The following NOTCH3 variants were observed in gnomAD, a reference collection of about 807,000 sequenced individuals.
The protein encoded by NOTCH3 is neurogenic locus notch homolog protein 3.
In NOTCH3, 86 loss-of-function variants were observed where a neutral mutation model predicts 213.3. That is an observed-to-expected ratio of 0.40 (90% CI 0.34 to 0.48). The LOEUF (loss-of-function observed/expected upper bound fraction) is 0.48. Ranked by LOEUF, NOTCH3 falls within the 20% of genes least tolerant of loss-of-function variation. The pLI is 0.57. For synonymous variants in NOTCH3, 1,354 were observed against 1,355.9 expected (o/e 1.00, Z 0.03); for missense variants, 2,783 against 3,272.6 (o/e 0.85, Z 3.65).
At position 15,165,312 on chromosome 19, in the gene NOTCH3, C is replaced by A. The variant is rs147117896; in HGVS notation, c.5815+56G>T. ...GGGTATGAATTTGCACCAACATGAC[C>A]CTCAGGGCCCAGGTGACACCAACCC... On this transcript the variant is annotated intron_variant, in intron 31 of 32. Transcript: ENST00000263388. This position sits in a 1 kb window ranked among gnomAD's most constrained non-coding sequence, Gnocchi z 4.7. 232 of 1,572,668 alleles carry A rather than the reference C, an allele frequency of 1.5e-4. No individual in the cohort carries two copies. The African/African-American group carries it at 2.3e-3, about 15-fold the overall frequency.
At chr19:15,164,640 A>G (rs906177883) in intron 31 of NOTCH3, among the ~76,000 whole-genome samples, 4 of 152,116 alleles carry the variant, frequency 2.6e-5, no homozygotes, top group African/African-American at 9.7e-5. Flanking sequence ...TCAAGTCACT[A>G]TATGTGGCCA....
At chr19:15,188,096 T>C in intron 9 of NOTCH3, 102 bp from the exon 10 acceptor site, 1 of 1,098,344 alleles carries the variant, frequency 9.1e-7, no homozygotes, top group South Asian at 1.3e-5. Flanking sequence ...TTTACTTGGA[T>C]TTAAATTAAC....
intron 10 of NOTCH3, 145 bp from the exon 11 acceptor site, chr19:15,187,483 A>G (rs900305333): frequency 6.8e-5 from 22 of 325,754 alleles, no homozygotes; most frequent in Non-Finnish European, 1.1e-4. Context: ...CCCACCCCCC[A>G]CCCCCCACTT....
chr19:15,169,130 G>A (rs2046708644), intron 28 of NOTCH3, among the ~76,000 whole-genome samples: 1 of 151,606 alleles, frequency 6.6e-6, no homozygotes, highest in Non-Finnish European at 1.5e-5. Flanking sequence ...ATAAATGTGG[G>A]ACCCTAATCC....
intron 6 of NOTCH3, 46 bp from the exon 7 acceptor site, chr19:15,189,474 C>A (rs1285531521): frequency 6.2e-7 from 1 of 1,600,214 alleles, no homozygotes; most frequent in South Asian, 1.1e-5. Context: ...TCCTGCTCTG[C>A]CCAAAAGGCC....
rs1295016885 is a variant in NOTCH3, at chr19:15,174,364, G to A, written c.4440C>T (p.Ala1480=). 8 of 1,545,110 alleles carry A rather than the reference G, an allele frequency of 5.2e-6. No homozygotes were observed. The highest frequency in any genetic ancestry group is 2.7e-5 in the African/African-American group (2 of 72,906). The change falls in exon 25 of 33, where the codon GCC becomes GCT. Residue 1480 remains alanine, a synonymous_variant. Transcript: ENST00000263388. ...TGCAGCCCTGGTCGCAGCGGCCGTC[G>A]GCAAAGTGGTCGGCGCAGTACTTCT... is the stretch of plus-strand genomic sequence containing the variant. ...VYEKYCADHF[A]DGRCDQGCNT...
intron 15 of NOTCH3, 91 bp downstream of exon 15, chr19:15,184,815 T>A (rs758461270): frequency 1.3e-6 from 1 of 763,346 alleles, no homozygotes; most frequent in East Asian, 2.7e-5. Flanking sequence ...GGGCTGGGGA[T>A]GGGTCCCTCT....
rs1377827012 is a variant in NOTCH3 at position 15,200,613 on chromosome 19, C to T, written c.118+175G>A. Reference sequence around the variant, plus strand: ...TCCCTGTTCCTTGGGCCTCTGGGGTCCTCCCCATTCTGAATCTCTGGGTCC... The same window carrying T: ...TCCCTGTTCCTTGGGCCTCTGGGGTTCTCCCCATTCTGAATCTCTGGGTCC... On this transcript the variant is annotated intron_variant, in intron 1 of 32. Transcript: ENST00000263388. Among the ~76,000 whole-genome samples the T allele has an allele frequency of 5.9e-5, 9 of 152,096 alleles. No individual in the cohort carries two copies. The East Asian group carries it at 1.8e-3, about 30-fold the overall frequency.
At chr19:15,199,459 G>A (rs1301205736) in intron 1 of NOTCH3, among the ~76,000 whole-genome samples, 1 of 152,158 alleles carries the variant, frequency 6.6e-6, no homozygotes, top group East Asian at 1.9e-4. Flanking sequence ...TGAGCTGGGT[G>A]TAAGCATGTC....
chr19:15,185,627 C>T lies in NOTCH3; in HGVS notation c.2004G>A (p.Glu668=), dbSNP rs367768759. 2.5e-6 allele frequency: 4 copies of T among 1,613,526 alleles called. No homozygotes were observed. The highest frequency in any genetic ancestry group is 1.3e-5 in the African/African-American group (1 of 74,904). ...TTTCCCCATCCACACAGGAACCTCC[C>T]TCGCCGCATGGGCTGGAAGCACACT... is the stretch of plus-strand genomic sequence containing the variant. ...INECASSPCG[E]GGSCVDGENG... The change falls in exon 13 of 33, where the codon GAG becomes GAA. Residue 668 remains glutamate (E), a synonymous_variant. Transcript: ENST00000263388. The surrounding 1 kb of genome is among the most constrained non-coding windows in gnomAD (Gnocchi z 4.2).
chr19:15,175,742 G>T (rs2046784925), intron 24 of NOTCH3, among the ~76,000 whole-genome samples: 1 of 151,000 alleles, frequency 6.6e-6, no homozygotes, highest in Admixed American at 6.7e-5. Flanking sequence ...ACTTGAAGGA[G>T]GTGAGGGAGG....
intron 1 of NOTCH3, among the ~76,000 whole-genome samples, chr19:15,199,287 C>A (rs534328974): frequency 6.6e-6 from 1 of 152,152 alleles, no homozygotes; most frequent in Non-Finnish European, 1.5e-5. Context: ...CACACCCATA[C>A]GGGAATGCAC....
At chr19:15,199,434 G>A (rs1248501433) in intron 1 of NOTCH3, among the ~76,000 whole-genome samples, 2 of 152,190 alleles carry the variant, frequency 1.3e-5, no homozygotes, top group Non-Finnish European at 2.9e-5. Context: ...GGCTGTGTCT[G>A]TCCATCTGCA....
intron 10 of NOTCH3, among the ~76,000 whole-genome samples, chr19:15,187,652 TG>T (rs756836480): frequency 3.3e-5 from 5 of 152,046 alleles, no homozygotes; most frequent in Non-Finnish European, 7.4e-5. Flanking sequence ...GGGAAGGTAT[TG>T]GGCCCTCCCC....
At chr19:15,180,937 C>A (rs779496396) in intron 18 of NOTCH3, 24 bp downstream of exon 18, 1 of 1,584,264 alleles carries the variant, frequency 6.3e-7, no homozygotes, top group East Asian at 2.3e-5. Flanking sequence ...GCTCCTCCCC[C>A]AGGTCCCCAG....
intron 12 of NOTCH3, among the ~76,000 whole-genome samples, chr19:15,186,107 T>C (rs543195273): frequency 1.3e-5 from 2 of 151,898 alleles, no homozygotes; most frequent in African/African-American, 4.8e-5. Flanking sequence ...TTTATCTACG[T>C]ATTGACTAAT....
In NOTCH3 at chr19:15,184,434, C is replaced by T; in HGVS notation, c.2427G>A (p.Gln809=). ...CGGGGCCAGCACACTCGTCCACATC[C>T]TGCTGGCATCGTGGGCCTGGGGGTA... ...PQGWQGPRCQ[Q]DVDECAGPAP... The change falls in exon 16 of 33, where the codon CAG becomes CAA. Residue 809 remains glutamine (Q), a synonymous_variant. Coordinates refer to ENST00000263388, the MANE Select transcript of NOTCH3 (RefSeq NM_000435.3). The T allele has an allele frequency of 6.2e-7, 1 of 1,613,868 alleles. No individual in the cohort carries two copies. Among genetic ancestry groups the T allele is most frequent in the Non-Finnish European group, 8.5e-7 (1 of 1,179,854 alleles).
chr19:15,170,191 G>A (rs545458039), intron 27 of NOTCH3, 21 bp from the exon 28 acceptor site: 4 of 1,564,900 alleles, frequency 2.6e-6, no homozygotes, highest in Admixed American at 1.8e-5. Context: ...ATGGGAAGAG[G>A]GGATGTGAGG....
chr19:15,184,210 A>G, intron 16 of NOTCH3, 85 bp downstream of exon 16: 17 of 1,334,608 alleles, frequency 1.3e-5, no homozygotes, highest in Non-Finnish European at 1.8e-5. Context: ...TGAAGATGAA[A>G]TGACAGCACA....
Sources: allele counts gnomAD v4.1 joint callset (sites outside exome capture counted in the v4.1 genomes callset), GRCh38; gene constraint gnomAD v4.1.1; non-coding constraint Gnocchi (gnomAD v3.1); transcripts MANE v1.5; gene names NCBI Gene and HGNC (gene_info 2026-07-23, HGNC 2026-07-21).